The following ZNF385D variants were observed in gnomAD, a reference collection of about 807,000 sequenced individuals.
The protein encoded by ZNF385D is zinc finger protein 659.
Under a neutral mutation model 35.8 loss-of-function variants are expected in ZNF385D, and 15 were observed. The observed-to-expected ratio is 0.42, with a 90% CI of 0.28 to 0.64. The LOEUF is 0.64. Among genes scored for constraint, ZNF385D ranks in the 30% least tolerant of loss-of-function variants. ZNF385D has a pLI of 0.23. For synonymous variants in ZNF385D, 212 were observed against 186.8 expected (o/e 1.13, Z -1.10); for missense variants, 474 against 494.6 (o/e 0.96, Z 0.39).
At chr3:21,473,401 T>A (rs1704026951) in intron 4 of ZNF385D, among the ~76,000 whole-genome samples, 1 of 152,126 alleles carries the variant, frequency 6.6e-6, no homozygotes, top group Non-Finnish European at 1.5e-5. Context: ...AGGAACAAAT[T>A]TCTGCCTCTT....
At position 21,714,918 on chromosome 3, in the gene ZNF385D, A is replaced by T. The variant is rs2068252759; in HGVS notation, c.22+35977T>A. 1.2e-4 allele frequency among the ~76,000 whole-genome samples: 18 copies of T among 152,324 alleles called. No homozygotes were observed. In the South Asian group the frequency reaches 3.1e-3, roughly 26 times the overall value. On this transcript the variant is annotated intron_variant, in intron 1 of 7. Coordinates refer to ENST00000281523, the MANE Select transcript of ZNF385D (RefSeq NM_024697.3). ...TTACTAAAATGTAACAGATGAACGT[A>T]TACATCATCTCACATAGTTACCCTC...
At chr3:22,006,477 T>C (rs555912188) in intron 3 of ZNF385D, among the ~76,000 whole-genome samples, 2 of 152,224 alleles carry the variant, frequency 1.3e-5, no homozygotes, top group East Asian at 1.9e-4. Flanking sequence ...TTTATGATTA[T>C]ATACAAATGA....
chr3:21,682,268 A>T (rs2066940083), intron 1 of ZNF385D, among the ~76,000 whole-genome samples: 2 of 149,716 alleles, frequency 1.3e-5, no homozygotes, highest in South Asian at 4.2e-4. Flanking sequence ...TATGTTGAAA[A>T]TCTAATAACT....
At chr3:22,126,322 T>C (rs1703428494) in intron 3 of ZNF385D, among the ~76,000 whole-genome samples, 1 of 151,044 alleles carries the variant, frequency 6.6e-6, no homozygotes, top group Non-Finnish European at 1.5e-5. Flanking sequence ...TTTTTTTTTT[T>C]TTTTTTTTCA....
intron 1 of ZNF385D, among the ~76,000 whole-genome samples, chr3:21,747,533 G>A (rs2069835993): frequency 6.6e-6 from 1 of 152,202 alleles, no homozygotes. Context: ...TGGGGAATCT[G>A]TGTGGTTGAC....
chr3:22,321,164 GTTTT>G, intron 2 of ZNF385D, among the ~76,000 whole-genome samples: 6 of 76,164 alleles, frequency 7.9e-5, no homozygotes, highest in African/African-American at 1.0e-4. Flanking sequence ...TTATGACCTT[GTTTT>G]TTTTTTTTTT....
intron 2 of ZNF385D, chr3:22,372,324 G>C: frequency 2.1e-6 from 1 of 467,118 alleles, no homozygotes; most frequent in Non-Finnish European, 2.8e-6. Context: ...CCCATTCCGC[G>C]CCCCCCATGC....
chr3:21,990,122 T>A lies in ZNF385D; in HGVS notation c.325+178695A>T, dbSNP rs191850723. 4.5e-3 allele frequency among the ~76,000 whole-genome samples: 685 copies of A among 152,322 alleles called. 3 individuals are homozygous for A. Among genetic ancestry groups the A allele is most frequent in the Middle Eastern group, 6.8e-3 (2 of 294 alleles). On this transcript the variant is annotated intron_variant, in intron 3 of 5. Transcript: ENST00000494108. ...TTTGTCAAATTATCTTTTAAAAAAA[T>A]TTTTGTGAGGCTATGTCAGATCTGA...
intron 2 of ZNF385D, among the ~76,000 whole-genome samples, chr3:21,582,509 A>ATAAG (rs2063696374): frequency 1.3e-5 from 2 of 152,144 alleles, no homozygotes. Context: ...GCCTTTCTTA[A>ATAAG]TAAGTTAAAG....
rs991583876 is a variant in ZNF385D, at chr3:21,417,535, A to T, written c.*3679T>A. ...ACTTCAGTTACCTTTTAGCTTTCTG[A>T]TCTGATTTCTTCAGAACAATTGAAA... On this transcript the variant is annotated 3_prime_UTR_variant, in exon 8 of 8. Transcript: ENST00000281523. 1 of 152,142 alleles carries T rather than the reference A, an allele frequency of 6.6e-6. No individual in the cohort carries two copies. The highest frequency in any genetic ancestry group is 1.5e-5 in the Non-Finnish European group (1 of 68,006). The allele number at this position is 152,142 out of a possible 1,614,324, so 9.4% of individuals were successfully genotyped here. A position where few individuals can be genotyped will look rare whatever the true frequency, so the allele number is the denominator to read the frequency against.
At chr3:21,541,150 A>G (rs2062165078) in intron 3 of ZNF385D, among the ~76,000 whole-genome samples, 1 of 152,214 alleles carries the variant, frequency 6.6e-6, no homozygotes. Flanking sequence ...AAGAAATTCT[A>G]GCAACGTAAT....
At chr3:21,877,326 G>A (rs73146841) in intron 3 of ZNF385D, among the ~76,000 whole-genome samples, 2,908 of 152,032 alleles carry the variant, frequency 0.019, 87 homozygotes, top group African/African-American at 0.062. Flanking sequence ...AAGCACAGTG[G>A]CCTGGAATTT....
intron 2 of ZNF385D, among the ~76,000 whole-genome samples, chr3:21,618,315 T>C (rs2064907173): frequency 6.6e-6 from 1 of 152,104 alleles, no homozygotes; most frequent in Non-Finnish European, 1.5e-5. Flanking sequence ...ACTGGAGTGA[T>C]GTGGCTGTAA....
At chr3:21,602,618 C>T (rs940411448) in intron 2 of ZNF385D, among the ~76,000 whole-genome samples, 3 of 145,888 alleles carry the variant, frequency 2.1e-5, no homozygotes, top group African/African-American at 5.2e-5. Flanking sequence ...CTGCAAGCTC[C>T]GCTTCCCGGG....
chr3:21,633,495 CAT>C lies in ZNF385D; in HGVS notation c.165+31389_165+31390del, dbSNP rs199614207. Among the ~76,000 whole-genome samples, 709 of 152,176 alleles carry C rather than the reference CAT, an allele frequency of 4.7e-3. 6 individuals are homozygous for C. Among genetic ancestry groups the C allele is most frequent in the African/African-American group, 0.015 (609 of 41,558 alleles). ...ACAAGAGAAAAAAACCTTTAATACA[CAT>C]ATCTGTATTCAACTATTGCACCTGG... On this transcript the variant is annotated intron_variant, in intron 2 of 7. Transcript: ENST00000281523.
Position 22,369,801 on chromosome 3 carries a change from T to C in ZNF385D, c.106+2649A>G, listed in dbSNP as rs565979845. On this transcript the variant is annotated intron_variant, in intron 2 of 5. Transcript: ENST00000494108. ...TCTTACTTGTTCTTACTCCTACTTT[T>C]AAAACCTCAAAATCTTTATAGACAG... Among the ~76,000 whole-genome samples, 339 of 152,278 alleles carry C rather than the reference T, an allele frequency of 2.2e-3. 1 individual carries two copies. Among genetic ancestry groups the C allele is most frequent in the South Asian group, 8.7e-3 (42 of 4,826 alleles).
chr3:21,534,671 G>A (rs1006876826), intron 3 of ZNF385D, among the ~76,000 whole-genome samples: 2 of 152,086 alleles, frequency 1.3e-5, no homozygotes, highest in East Asian at 1.9e-4. Context: ...TTACAGCCAA[G>A]TTATCTTACA....
intron 1 of ZNF385D, among the ~76,000 whole-genome samples, chr3:21,717,820 A>T (rs563512487): frequency 1.3e-5 from 2 of 152,304 alleles, no homozygotes; most frequent in Admixed American, 1.3e-4. Flanking sequence ...AGCCATGTGG[A>T]ACTGTGAGTC....
chr3:21,973,244 G>T (rs1229509731), intron 3 of ZNF385D, among the ~76,000 whole-genome samples: 1 of 151,808 alleles, frequency 6.6e-6, no homozygotes, highest in Non-Finnish European at 1.5e-5. Context: ...TTTTTCCAGG[G>T]ATGCAAGAAT....
Sources: allele counts gnomAD v4.1 joint callset (sites outside exome capture counted in the v4.1 genomes callset), GRCh38; gene constraint gnomAD v4.1.1; transcripts MANE v1.5; gene names NCBI Gene and HGNC (gene_info 2026-07-23, HGNC 2026-07-21).